Variants in GRIP1 observed in about 807,000 individuals in gnomAD.
GRIP1 encodes the protein glutamate receptor interacting protein 1, also known as glutamate receptor-interacting protein 1.
A neutral mutation model predicts 129.9 loss-of-function variants in GRIP1; 45 were observed. That is an observed-to-expected ratio of 0.35 (90% CI 0.27 to 0.44). The LOEUF (loss-of-function observed/expected upper bound fraction) is 0.44, where lower values mean the gene tolerates loss of function less well. Among genes scored for constraint, GRIP1 ranks in the 20% least tolerant of loss-of-function variants. The probability of loss-of-function intolerance (pLI) is 1.00; values close to 1 mark genes in which losing one functional copy is unlikely to be tolerated. For synonymous variants in GRIP1, 530 were observed against 520.8 expected, an observed-to-expected ratio of 1.02 and a Z score of -0.24; for missense variants, 1,196 against 1,396.8, an observed-to-expected ratio of 0.86 and a Z score of 2.29.
upstream of GRIP1, among the ~76,000 whole-genome samples, chr12:66,683,142 A>C (rs1412323738): frequency 2.0e-5 from 3 of 152,004 alleles, no homozygotes; most frequent in African/African-American, 7.2e-5. Flanking sequence ...CGGAGGTCTT[A>C]AAATGCGACT....
chr12:66,876,764 C>T (rs529810095), intron 1 of GRIP1, among the ~76,000 whole-genome samples: 3 of 152,060 alleles, frequency 2.0e-5, no homozygotes, highest in Admixed American at 1.3e-4. Flanking sequence ...TGATTGTGGA[C>T]CACTATTGTG....
intron 14 of GRIP1, among the ~76,000 whole-genome samples, chr12:66,423,079 T>C (rs1466466191): frequency 6.6e-6 from 1 of 152,188 alleles, no homozygotes; most frequent in Non-Finnish European, 1.5e-5. Context: ...GTAGATTTTA[T>C]ATAGATACAT....
chr12:66,992,555 T>G (rs576142867), intron 1 of GRIP1, among the ~76,000 whole-genome samples: 27 of 152,140 alleles, frequency 1.8e-4, no homozygotes, highest in Non-Finnish European at 3.1e-4. Context: ...TGCTATCAAC[T>G]AACTAGACCT....
intron 1 of GRIP1, among the ~76,000 whole-genome samples, chr12:67,001,421 T>A (rs2042549314): frequency 6.6e-6 from 1 of 152,188 alleles, no homozygotes; most frequent in Non-Finnish European, 1.5e-5. Context: ...TGTGAGACCC[T>A]GGGGTTACAG....
chr12:66,754,613 T>C (rs185663771), intron 1 of GRIP1, among the ~76,000 whole-genome samples: 1 of 152,316 alleles, frequency 6.6e-6, no homozygotes, highest in African/African-American at 2.4e-5. Context: ...TCACAGGATC[T>C]AAAAGCACAA....
At chr12:66,596,050 A>AT (rs1330857123) in intron 2 of GRIP1, among the ~76,000 whole-genome samples, 1 of 152,204 alleles carries the variant, frequency 6.6e-6, no homozygotes, top group Admixed American at 6.5e-5. Flanking sequence ...GCTGTACTCA[A>AT]TTTGCTTGTA....
At chr12:66,475,656 A>G (rs2059583579) in intron 7 of GRIP1, among the ~76,000 whole-genome samples, 1 of 152,232 alleles carries the variant, frequency 6.6e-6, no homozygotes, top group Non-Finnish European at 1.5e-5. Flanking sequence ...ATCAAAATAG[A>G]ACTCAGGATT....
intron 1 of GRIP1, among the ~76,000 whole-genome samples, chr12:66,994,819 T>A (rs1273797630): frequency 6.6e-6 from 1 of 152,076 alleles, no homozygotes; most frequent in African/African-American, 2.4e-5. Context: ...TTCATCTCTA[T>A]TTTGCAGAAA....
intron 1 of GRIP1, among the ~76,000 whole-genome samples, chr12:66,837,915 T>C (rs2039644069): frequency 6.6e-6 from 1 of 152,140 alleles, no homozygotes; most frequent in African/African-American, 2.4e-5. Flanking sequence ...AGCAGGAGGC[T>C]GGGCGCGGTG....
intron 1 of GRIP1, among the ~76,000 whole-genome samples, chr12:66,843,995 C>T (rs1229116978): frequency 6.6e-6 from 1 of 152,180 alleles, no homozygotes; most frequent in Admixed American, 6.5e-5. Context: ...TGAAATAACA[C>T]AATCAACATA....
intron 2 of GRIP1, among the ~76,000 whole-genome samples, chr12:66,544,447 T>C (rs1022150931): frequency 6.6e-6 from 1 of 152,108 alleles, no homozygotes; most frequent in Non-Finnish European, 1.5e-5. Flanking sequence ...GCATGAGTTG[T>C]AGGGAAGCAG....
At chr12:66,381,098 T>C (rs924762732) in intron 19 of GRIP1, among the ~76,000 whole-genome samples, 1 of 152,144 alleles carries the variant, frequency 6.6e-6, no homozygotes, top group Non-Finnish European at 1.5e-5. Flanking sequence ...ATCTGAAGGA[T>C]AATACTCTCT....
At chr12:66,534,772 C>T (rs796391995) in intron 4 of GRIP1, among the ~76,000 whole-genome samples, 11 of 152,242 alleles carry the variant, frequency 7.2e-5, no homozygotes, top group African/African-American at 2.6e-4. Context: ...CGGCTCACCA[C>T]AACCTCTGCC....
At chr12:66,451,458 T>C (rs1351904088) in intron 11 of GRIP1, among the ~76,000 whole-genome samples, 2 of 132,922 alleles carry the variant, frequency 1.5e-5, no homozygotes, top group East Asian at 2.5e-4. Context: ...GGCTGGAGCA[T>C]AGTGGCAGAA....
chr12:66,714,309 T>C (rs2035801242), intron 1 of GRIP1, among the ~76,000 whole-genome samples: 1 of 152,054 alleles, frequency 6.6e-6, no homozygotes, highest in South Asian at 2.1e-4. Context: ...TTTTATTTCA[T>C]TGAAAATGAT....
chr12:66,455,214 T>C (rs950456343), intron 11 of GRIP1, among the ~76,000 whole-genome samples, 195 bp downstream of exon 11: 3 of 152,174 alleles, frequency 2.0e-5, no homozygotes, highest in East Asian at 1.9e-4. Context: ...TGAAGTTAAA[T>C]TGGGGTGCAG....
chr12:66,622,418 A>G (rs1016873247), intron 1 of GRIP1, among the ~76,000 whole-genome samples: 1 of 152,146 alleles, frequency 6.6e-6, no homozygotes, highest in Non-Finnish European at 1.5e-5. Context: ...AAAAATAAGG[A>G]AATATATTTG....
intron 2 of GRIP1, among the ~76,000 whole-genome samples, chr12:66,583,445 G>T (rs2063485424): frequency 7.3e-6 from 1 of 137,354 alleles, no homozygotes; most frequent in Admixed American, 7.5e-5. Flanking sequence ...CACAGCAAAA[G>T]AAACTACCAT....
chr12:67,008,083 G>A (rs11176529), intron 1 of GRIP1, among the ~76,000 whole-genome samples: 40,950 of 151,992 alleles, frequency 0.27, 5,587 homozygotes, highest in East Asian at 0.4. Flanking sequence ...TATGACATAG[G>A]ATAATATACA....
Sources: gnomAD v4.1 joint callset for allele counts (sites outside exome capture counted in the v4.1 genomes callset) on GRCh38, gnomAD v4.1.1 for gene constraint, MANE v1.5 for transcripts, NCBI Gene and HGNC (gene_info 2026-07-23, HGNC 2026-07-21) for gene names.